GRID2: variants seen among roughly 807,000 people sequenced by gnomAD.
GRID2 encodes glutamate ionotropic receptor delta type subunit 2, also known as glutamate receptor ionotropic, delta-2.
GRID2 carries 33 observed loss-of-function variants against 114.8 expected under a neutral mutation model. The observed-to-expected ratio is 0.29, with a 90% CI of 0.22 to 0.38. The LOEUF is 0.38. GRID2 is among the 10% of genes least tolerant of loss of function. The pLI, the probability that GRID2 is intolerant of heterozygous loss-of-function variation, is 1.00. For synonymous variants in GRID2, 505 were observed against 449.9 expected, an observed-to-expected ratio of 1.12 and a Z score of -1.55; for missense variants, 1,184 against 1,257.7, an observed-to-expected ratio of 0.94 and a Z score of 0.89.
intron 11 of GRID2, among the ~76,000 whole-genome samples, chr4:93,481,946 T>G (rs1352342895): frequency 1.3e-5 from 2 of 151,950 alleles, no homozygotes. Context: ...GAAATTCAGA[T>G]TACAGAAGGG....
At chr4:93,548,802 T>A (rs999490563) in intron 13 of GRID2, among the ~76,000 whole-genome samples, 7 of 152,184 alleles carry the variant, frequency 4.6e-5, no homozygotes, top group African/African-American at 1.7e-4. Flanking sequence ...CTAATATTCC[T>A]TTAGACAGAT....
chr4:93,743,345 A>G (rs1309241082), intron 14 of GRID2, among the ~76,000 whole-genome samples: 1 of 152,240 alleles, frequency 6.6e-6, no homozygotes, highest in Non-Finnish European at 1.5e-5. Flanking sequence ...AGCTACAGCA[A>G]GTTCTCTAGA....
chr4:93,628,361 G>A (rs1055131046), intron 14 of GRID2, among the ~76,000 whole-genome samples: 2 of 151,978 alleles, frequency 1.3e-5, no homozygotes, highest in African/African-American at 4.8e-5. Flanking sequence ...TATAATATCA[G>A]TATTATTTAT....
chr4:93,718,491 T>C (rs1002671515), intron 14 of GRID2, among the ~76,000 whole-genome samples: 1 of 152,206 alleles, frequency 6.6e-6, no homozygotes, highest in East Asian at 1.9e-4. Flanking sequence ...GATACCTTCT[T>C]TGAAGATATA....
intron 2 of GRID2, among the ~76,000 whole-genome samples, chr4:92,710,795 G>C (rs1735206755): frequency 6.6e-6 from 1 of 151,846 alleles, no homozygotes; most frequent in Non-Finnish European, 1.5e-5. Context: ...CCTTATTATG[G>C]ACATAATATT....
intron 8 of GRID2, among the ~76,000 whole-genome samples, chr4:93,343,887 C>A (rs370303092): frequency 6.6e-6 from 1 of 152,008 alleles, no homozygotes; most frequent in African/African-American, 2.4e-5. Flanking sequence ...ACAATATCTT[C>A]ATTTTGTAAT....
At chr4:93,090,460 G>A (rs1018662703) in intron 3 of GRID2, among the ~76,000 whole-genome samples, 2 of 152,168 alleles carry the variant, frequency 1.3e-5, no homozygotes, top group Non-Finnish European at 2.9e-5. Context: ...CCTGGCCAGT[G>A]AGTTGAAGCT....
chr4:92,466,407 T>G (rs1476271252), intron 1 of GRID2, among the ~76,000 whole-genome samples: 2 of 151,914 alleles, frequency 1.3e-5, no homozygotes, highest in African/African-American at 4.8e-5. Flanking sequence ...CTTTTCAGCA[T>G]TCTGCTTCTA....
intron 8 of GRID2, among the ~76,000 whole-genome samples, chr4:93,324,869 G>A (rs1188175098): frequency 6.6e-6 from 1 of 152,088 alleles, no homozygotes; most frequent in African/African-American, 2.4e-5. Flanking sequence ...ATGTCTGTGG[G>A]ATTGGTGGTG....
intron 1 of GRID2, among the ~76,000 whole-genome samples, chr4:92,413,489 G>A (rs1312578543): frequency 1.3e-5 from 2 of 152,272 alleles, no homozygotes; most frequent in East Asian, 3.9e-4. Flanking sequence ...AGTAAGATTA[G>A]ATTGTGGGCC....
intron 2 of GRID2, among the ~76,000 whole-genome samples, chr4:92,647,988 A>G (rs895547498): frequency 1.3e-5 from 2 of 149,840 alleles, no homozygotes; most frequent in African/African-American, 5.0e-5. Context: ...AAGGAAGTAA[A>G]CAGATCCCCT....
intron 1 of GRID2, among the ~76,000 whole-genome samples, chr4:92,384,581 T>C (rs1478671641): frequency 2.2e-5 from 1 of 44,962 alleles, no homozygotes; most frequent in South Asian, 6.1e-4. Context: ...ATATAAAATA[T>C]ATTATATTAT....
At chr4:92,603,371 A>G (rs1729312038) in intron 2 of GRID2, among the ~76,000 whole-genome samples, 1 of 152,128 alleles carries the variant, frequency 6.6e-6, no homozygotes, top group Admixed American at 6.6e-5. Flanking sequence ...GGAACACAAC[A>G]GAGATCTCAG....
chr4:93,677,772 C>T (rs1002021467), intron 14 of GRID2, among the ~76,000 whole-genome samples: 1 of 152,068 alleles, frequency 6.6e-6, no homozygotes, highest in Non-Finnish European at 1.5e-5. Flanking sequence ...ACACCAAAAA[C>T]CCATCTGTAC....
Position 92,443,433 on chromosome 4 carries a change from G to C in GRID2, c.88+138689G>C, listed in dbSNP as rs373699037. On this transcript the variant is annotated intron_variant, in intron 1 of 15. Coordinates refer to ENST00000282020, the MANE Select transcript of GRID2 (RefSeq NM_001510.4). Reference sequence around the variant, plus strand: ...TAGAAGGAGGAATGGAGGGTGGAAGGTTGCCCATAGTGAAGGAAGGAAGCC... The same window carrying C: ...TAGAAGGAGGAATGGAGGGTGGAAGCTTGCCCATAGTGAAGGAAGGAAGCC... 8.0e-3 allele frequency among the ~76,000 whole-genome samples: 1,217 copies of C among 151,804 alleles called. 10 individuals are homozygous for C. Among genetic ancestry groups the C allele is most frequent in the African/African-American group, 0.027 (1,115 of 41,358 alleles).
At position 92,449,051 on chromosome 4, in the gene GRID2, G is replaced by A. The variant is rs116032587; in HGVS notation, c.89-141080G>A. 5.7e-3 allele frequency among the ~76,000 whole-genome samples: 860 copies of A among 151,708 alleles called. 12 individuals are homozygous for A. The highest frequency in any genetic ancestry group is 0.02 in the African/African-American group (811 of 41,362). On this transcript the variant is annotated intron_variant, in intron 1 of 15. Coordinates refer to ENST00000282020, the MANE Select transcript of GRID2 (RefSeq NM_001510.4). The stretch of plus-strand genomic sequence containing the variant: ...CTCATAAATATAACTAGAAATTATC[G>A]TGCAATATTTTATTGGGTAACATGA...
chr4:93,463,914 G>T (rs1724011877), intron 11 of GRID2, among the ~76,000 whole-genome samples: 1 of 152,028 alleles, frequency 6.6e-6, no homozygotes, highest in Non-Finnish European at 1.5e-5. Flanking sequence ...GCGTGAACCT[G>T]GGAGGTGGAG....
chr4:93,176,194 A>C (rs1365333521), intron 4 of GRID2, among the ~76,000 whole-genome samples: 1 of 152,228 alleles, frequency 6.6e-6, no homozygotes, highest in Non-Finnish European at 1.5e-5. Context: ...GAACAGAAAA[A>C]TCTAAACATT....
intron 1 of GRID2, among the ~76,000 whole-genome samples, chr4:92,460,053 T>TATATATATATATATATATAC (rs1032538170): frequency 0.026 from 2,547 of 99,168 alleles, 124 homozygotes; most frequent in Middle Eastern, 0.049. Flanking sequence ...TATATATATA[T>TATATATATATATATATATAC]ACACACACAA....
Sources: gnomAD v4.1 joint callset for allele counts (sites outside exome capture counted in the v4.1 genomes callset) on GRCh38, gnomAD v4.1.1 for gene constraint, MANE v1.5 for transcripts, NCBI Gene and HGNC (gene_info 2026-07-23, HGNC 2026-07-21) for gene names.